The following DLG2 variants were observed in gnomAD, a reference collection of about 807,000 sequenced individuals.
DLG2 encodes discs large MAGUK scaffold protein 2.
A neutral mutation model predicts 132.5 loss-of-function variants in DLG2; 45 were observed. The observed-to-expected ratio is 0.34, with a 90% CI of 0.27 to 0.44. The LOEUF is 0.44. DLG2 is among the 20% of genes least tolerant of loss of function. DLG2 has a pLI of 1.00. For synonymous variants in DLG2, 424 were observed against 419.6 expected (o/e 1.01, Z -0.13); for missense variants, 1,045 against 1,196.9 (o/e 0.87, Z 1.87).
At chr11:84,165,909 T>C (rs2095651628) in intron 8 of DLG2, among the ~76,000 whole-genome samples, 1 of 151,266 alleles carries the variant, frequency 6.6e-6, no homozygotes, top group Admixed American at 6.6e-5. Flanking sequence ...AAAACAAAAC[T>C]AAACAAACAA....
intron 6 of DLG2, among the ~76,000 whole-genome samples, chr11:85,075,527 G>A (rs993508536): frequency 1.3e-5 from 2 of 151,858 alleles, no homozygotes; most frequent in East Asian, 3.9e-4. Flanking sequence ...ACATTTTACT[G>A]ACTGAAATAA....
At chr11:84,420,075 A>G (rs184723414) in intron 7 of DLG2, among the ~76,000 whole-genome samples, 14 of 152,356 alleles carry the variant, frequency 9.2e-5, no homozygotes, top group Admixed American at 9.1e-4. Context: ...TGCCTTAAAA[A>G]CAAACACACA....
chr11:84,936,351 C>A (rs2048743847), intron 6 of DLG2, among the ~76,000 whole-genome samples: 1 of 152,030 alleles, frequency 6.6e-6, no homozygotes, highest in Non-Finnish European at 1.5e-5. Flanking sequence ...AAAATTGGTA[C>A]AACTACATGG....
intron 10 of DLG2, 56 bp downstream of exon 10, chr11:84,098,867 T>A: frequency 1.3e-6 from 2 of 1,580,552 alleles, no homozygotes; most frequent in Non-Finnish European, 1.7e-6. Context: ...TACAAATGTG[T>A]CTCATTGATG....
intron 6 of DLG2, among the ~76,000 whole-genome samples, chr11:84,912,743 T>A (rs2154078355): frequency 6.6e-6 from 1 of 151,356 alleles, no homozygotes; most frequent in South Asian, 2.1e-4. Context: ...ATAGCTGGAA[T>A]TGATTCTGGC....
chr11:85,527,179 T>TA lies in DLG2; in HGVS notation c.40+71477_40+71478insT, dbSNP rs199513586. Among the ~76,000 whole-genome samples the TA allele has an allele frequency of 2.2e-3, 235 of 106,336 alleles. 1 individual carries two copies. In the East Asian group the frequency reaches 0.03, roughly 14 times the overall value. 69.8% of individuals were successfully genotyped at this position (106,336 alleles called of 152,430 possible). A position where few individuals can be genotyped will look rare whatever the true frequency, so the allele number is the denominator to read the frequency against. On this transcript the variant is annotated intron_variant, in intron 3 of 27. Coordinates refer to ENST00000376104, the MANE Select transcript of DLG2 (RefSeq NM_001142699.3). ...TTTTTGCCTAAAGGATGTTTTTATT[T>TA]TTTTTTTTTTTTATTTTACTTTAAG...
intron 6 of DLG2, among the ~76,000 whole-genome samples, chr11:84,710,498 G>C (rs966445665): frequency 6.6e-6 from 1 of 151,834 alleles, no homozygotes; most frequent in African/African-American, 2.4e-5. Context: ...ACTGACATGT[G>C]AGTAGCTGCC....
At chr11:83,537,621 C>T (rs1024453481) in intron 20 of DLG2, among the ~76,000 whole-genome samples, 1 of 151,722 alleles carries the variant, frequency 6.6e-6, no homozygotes, top group African/African-American at 2.4e-5. Flanking sequence ...TTGAGACCAG[C>T]CTGGCCAATG....
chr11:84,098,402 TTC>T, intron 10 of DLG2, among the ~76,000 whole-genome samples: 1 of 152,256 alleles, frequency 6.6e-6, no homozygotes, highest in South Asian at 2.1e-4. Flanking sequence ...ACTTGTTCTT[TTC>T]TCTGTGTTCC....
At chr11:83,564,098 A>C (rs568286492) in intron 19 of DLG2, among the ~76,000 whole-genome samples, 2 of 128,792 alleles carry the variant, frequency 1.6e-5, no homozygotes, top group South Asian at 4.9e-4. Context: ...CTAATTTTTC[A>C]TGTGTTTTTT....
At chr11:83,926,312 G>A (rs1174508661) in intron 15 of DLG2, among the ~76,000 whole-genome samples, 1 of 152,102 alleles carries the variant, frequency 6.6e-6, no homozygotes, top group Non-Finnish European at 1.5e-5. Context: ...TAAATGTAAG[G>A]ATGGTTTCAC....
intron 3 of DLG2, among the ~76,000 whole-genome samples, chr11:85,431,591 G>C (rs1243997128): frequency 6.6e-6 from 1 of 152,242 alleles, no homozygotes; most frequent in African/African-American, 2.4e-5. Flanking sequence ...GCTCCTTGGG[G>C]GAGGGGTGGC....
chr11:85,601,543 G>A lies in DLG2; in HGVS notation c.-92-2755C>T, dbSNP rs766436713. 5.9e-5 allele frequency among the ~76,000 whole-genome samples: 9 copies of A among 152,134 alleles called. No individual in the cohort carries two copies. In the South Asian group the frequency reaches 6.2e-4, roughly 11 times the overall value. On this transcript the variant is annotated intron_variant, in intron 2 of 27. Coordinates refer to ENST00000376104, the MANE Select transcript of DLG2 (RefSeq NM_001142699.3). The stretch of plus-strand genomic sequence containing the variant: ...TTTAGTACAGACAGGGTTTCACCAC[G>A]TTGGCCAGGATGGTCTTGATCTCTT...
chr11:84,964,915 A>T (rs2053113219), intron 6 of DLG2, among the ~76,000 whole-genome samples: 1 of 152,140 alleles, frequency 6.6e-6, no homozygotes, highest in African/African-American at 2.4e-5. Context: ...ACACAGAAAC[A>T]CATATACGAA....
intron 4 of DLG2, among the ~76,000 whole-genome samples, chr11:85,157,754 G>A (rs1297600497): frequency 6.6e-6 from 1 of 152,120 alleles, no homozygotes; most frequent in Non-Finnish European, 1.5e-5. Flanking sequence ...TAAAGTGAGG[G>A]CACTGATTGG....
chr11:84,856,073 T>C (rs935784499), intron 6 of DLG2, among the ~76,000 whole-genome samples: 6 of 152,016 alleles, frequency 3.9e-5, no homozygotes, highest in African/African-American at 1.4e-4. Flanking sequence ...CTTACTAACA[T>C]CTCCTGATGC....
intron 18 of DLG2, among the ~76,000 whole-genome samples, chr11:83,658,782 A>C (rs1303571393): frequency 6.6e-6 from 1 of 152,220 alleles, no homozygotes; most frequent in Non-Finnish European, 1.5e-5. Flanking sequence ...AAAGAAGTTT[A>C]CCACTTCTCT....
chr11:84,184,890 A>G (rs978642050), intron 8 of DLG2, among the ~76,000 whole-genome samples: 8 of 152,008 alleles, frequency 5.3e-5, no homozygotes, highest in Admixed American at 1.3e-4. Flanking sequence ...TAGATATGCG[A>G]CATTATTTCT....
chr11:83,818,691 A>G (rs2049811975), intron 17 of DLG2, among the ~76,000 whole-genome samples: 1 of 152,246 alleles, frequency 6.6e-6, no homozygotes, highest in South Asian at 2.1e-4. Context: ...AAGGGTATGA[A>G]AGCTATATAT....
Sources: gnomAD v4.1 joint callset for allele counts (sites outside exome capture counted in the v4.1 genomes callset) on GRCh38, gnomAD v4.1.1 for gene constraint, MANE v1.5 for transcripts, NCBI Gene and HGNC (gene_info 2026-07-23, HGNC 2026-07-21) for gene names.